The following NCKAP1 variants were observed in gnomAD, a reference collection of about 807,000 sequenced individuals.
NCKAP1 encodes the protein NCK associated protein 1.
NCKAP1 carries 21 observed loss-of-function variants against 151.2 expected under a neutral mutation model. The ratio of observed to expected loss-of-function variants is 0.14; its 90% CI spans 0.10 to 0.20. The LOEUF is 0.20. Ranked by LOEUF, NCKAP1 falls within the 10% of genes least tolerant of loss-of-function variation. The pLI is 1.00. For missense variants in NCKAP1, 933 were observed against 1,352.1 expected, an observed-to-expected ratio of 0.69 and a Z score of 4.86; for synonymous variants, 484 against 451.8, an observed-to-expected ratio of 1.07 and a Z score of -0.90.
chr2:182,972,224 C>CAA (rs56834438), intron 15 of NCKAP1, among the ~76,000 whole-genome samples: 8 of 67,698 alleles, frequency 1.2e-4, no homozygotes, highest in Admixed American at 1.8e-4. Context: ...AGCTTAATAG[C>CAA]AAAAAAAAAA....
At chr2:182,967,131 G>A (rs1170332165) in intron 16 of NCKAP1, 85 bp downstream of exon 16, 22 of 1,267,198 alleles carry the variant, frequency 1.7e-5, no homozygotes, top group Non-Finnish European at 2.3e-5. Context: ...CTGTCTTAAG[G>A]ACTATGCTAA....
chr2:183,009,064 GTAAA>G (rs1698536184), intron 2 of NCKAP1, among the ~76,000 whole-genome samples: 1 of 152,102 alleles, frequency 6.6e-6, no homozygotes, highest in East Asian at 1.9e-4. Context: ...GGAAACTGTA[GTAAA>G]TATATTTTAG....
intron 9 of NCKAP1, among the ~76,000 whole-genome samples, chr2:182,986,793 A>ATC (rs752747627): frequency 2.0e-5 from 3 of 152,160 alleles, no homozygotes; most frequent in Non-Finnish European, 4.4e-5. Context: ...AAAAAAACTT[A>ATC]TTTTTCAAAT....
rs1320607001 is a variant in NCKAP1 at position 182,919,633 on chromosome 2, T to G, written c.*6069A>C. ...GAATATGCCTTCAGAATGCAAGTGCTTTTTTTTTTTAATGTATTATAATTT... is the reference window on the plus strand; with the variant it reads ...GAATATGCCTTCAGAATGCAAGTGCGTTTTTTTTTTAATGTATTATAATTT... On this transcript the variant is annotated 3_prime_UTR_variant, in exon 31 of 31. Coordinates refer to ENST00000361354, the MANE Select transcript of NCKAP1 (RefSeq NM_013436.5). 2 of 148,738 alleles carry G rather than the reference T, an allele frequency of 1.3e-5. No homozygotes were observed. The highest frequency in any genetic ancestry group is 3.0e-5 in the Non-Finnish European group (2 of 66,868). The allele number at this position is 148,738 out of a possible 1,614,324, so 9.2% of individuals were successfully genotyped here. A position where few individuals can be genotyped will look rare whatever the true frequency, so the allele number is the denominator to read the frequency against.
At chr2:182,926,245 A>G (rs781057708) in intron 30 of NCKAP1, among the ~76,000 whole-genome samples, 3 of 152,080 alleles carry the variant, frequency 2.0e-5, no homozygotes, top group African/African-American at 7.2e-5. Flanking sequence ...AGAATTCAAA[A>G]CAGAAGAAAG....
chr2:183,036,069 A>AT (rs1475562377), intron 1 of NCKAP1, among the ~76,000 whole-genome samples: 1 of 152,144 alleles, frequency 6.6e-6, no homozygotes, highest in Non-Finnish European at 1.5e-5. Context: ...CATTCAATGC[A>AT]TTTTAACTTT....
rs1414025401 is a variant in NCKAP1 at position 182,920,687 on chromosome 2, C to T, written c.*5015G>A. Reference sequence around the variant, plus strand: ...TGGGGCAAGTCGGCTGTCTGGGGCCCCTTTTACGAGGGCATTAATCCCATT... The same window carrying T: ...TGGGGCAAGTCGGCTGTCTGGGGCCTCTTTTACGAGGGCATTAATCCCATT... On this transcript the variant is annotated 3_prime_UTR_variant, in exon 31 of 31. Coordinates refer to ENST00000361354, the MANE Select transcript of NCKAP1 (RefSeq NM_013436.5). 6.6e-6 allele frequency: 1 copy of T among 152,056 alleles called. No individual in the cohort carries two copies. The highest frequency in any genetic ancestry group is 6.6e-5 in the Admixed American group (1 of 15,248). The allele number at this position is 152,056 out of a possible 1,614,324, so 9.4% of individuals were successfully genotyped here.
intron 24 of NCKAP1, among the ~76,000 whole-genome samples, chr2:182,937,640 C>T (rs1696905162): frequency 6.6e-6 from 1 of 152,000 alleles, no homozygotes; most frequent in Non-Finnish European, 1.5e-5. Flanking sequence ...AATGACTCTT[C>T]CCATTTAAAA....
intron 23 of NCKAP1, among the ~76,000 whole-genome samples, chr2:182,949,378 C>T (rs1002834048): frequency 1.3e-5 from 2 of 152,056 alleles, no homozygotes; most frequent in African/African-American, 2.4e-5. Flanking sequence ...TGTGAGCGTG[C>T]GTAAGTTATT....
At chr2:182,940,114 A>G (rs1028625247) in intron 24 of NCKAP1, among the ~76,000 whole-genome samples, 12 of 152,336 alleles carry the variant, frequency 7.9e-5, no homozygotes, top group Non-Finnish European at 1.6e-4. Flanking sequence ...TGAACACTGC[A>G]GCGGATTATT....
intron 16 of NCKAP1, among the ~76,000 whole-genome samples, chr2:182,966,038 T>C (rs1304381103): frequency 6.6e-6 from 1 of 152,166 alleles, no homozygotes; most frequent in Non-Finnish European, 1.5e-5. Flanking sequence ...ACTGCCAAAA[T>C]CAACACAGAT....
intron 15 of NCKAP1, among the ~76,000 whole-genome samples, chr2:182,976,424 T>C (rs1312294579): frequency 1.3e-5 from 2 of 152,254 alleles, no homozygotes; most frequent in African/African-American, 4.8e-5. Context: ...AATACAGCCA[T>C]GCCCATTAAG....
chr2:183,018,714 G>A (rs1457566726), intron 2 of NCKAP1, among the ~76,000 whole-genome samples: 1 of 152,134 alleles, frequency 6.6e-6, no homozygotes, highest in Non-Finnish European at 1.5e-5. Context: ...GATAAGTTCA[G>A]GTCCTGACAT....
At chr2:182,932,628 A>G (rs1447907694) in intron 26 of NCKAP1, among the ~76,000 whole-genome samples, 2 of 152,074 alleles carry the variant, frequency 1.3e-5, no homozygotes, top group Non-Finnish European at 2.9e-5. Flanking sequence ...TTATAACTCA[A>G]TAAAGCTGTT....
chr2:182,998,834 C>T (rs1161256597), intron 6 of NCKAP1, among the ~76,000 whole-genome samples: 1 of 44,512 alleles, frequency 2.2e-5, no homozygotes, highest in Non-Finnish European at 4.3e-5. Flanking sequence ...AAGACTCCAA[C>T]AAAAAAAAAA....
chr2:183,001,628 T>C (rs1424912803), intron 6 of NCKAP1, among the ~76,000 whole-genome samples: 1 of 152,214 alleles, frequency 6.6e-6, no homozygotes, highest in Non-Finnish European at 1.5e-5. Context: ...ACAAATATTA[T>C]ACTATAATTT....
chr2:183,031,500 A>T (rs1288197486), intron 1 of NCKAP1, among the ~76,000 whole-genome samples: 1 of 152,222 alleles, frequency 6.6e-6, no homozygotes, highest in Non-Finnish European at 1.5e-5. Context: ...TAGATGTCAA[A>T]CTGTATCAGG....
At chr2:183,016,795 G>A (rs1698696684) in intron 2 of NCKAP1, among the ~76,000 whole-genome samples, 1 of 152,160 alleles carries the variant, frequency 6.6e-6, no homozygotes, top group Non-Finnish European at 1.5e-5. Flanking sequence ...GGAGGTTGGA[G>A]GGAGGGAGGA....
Position 182,909,520 on chromosome 2 carries a change from T to C in NCKAP1, c.*16182A>G, listed in dbSNP as rs1003655104. The C allele has an allele frequency of 1.3e-5, 2 of 152,210 alleles. No homozygotes were observed. The highest frequency in any genetic ancestry group is 1.3e-4 in the Admixed American group (2 of 15,270). 9.4% of individuals were successfully genotyped at this position (152,210 alleles called of 1,614,324 possible). On this transcript the variant is annotated 3_prime_UTR_variant, in exon 31 of 31. Coordinates refer to ENST00000361354, the MANE Select transcript of NCKAP1 (RefSeq NM_013436.5). ...TTCAAGGTTCATTCATATTGTCTCA[T>C]GTGTCAAAATTTCTTTCCTTTTTAA...
Sources: gnomAD v4.1 joint callset for allele counts (sites outside exome capture counted in the v4.1 genomes callset) on GRCh38, gnomAD v4.1.1 for gene constraint, MANE v1.5 for transcripts, NCBI Gene and HGNC (gene_info 2026-07-23, HGNC 2026-07-21) for gene names.